Variants in CSMD1 observed in about 807,000 individuals in gnomAD.
The protein encoded by CSMD1 is CUB and Sushi multiple domains 1.
Under a neutral mutation model 417.5 loss-of-function variants are expected in CSMD1, and 213 were observed. The observed-to-expected ratio is 0.51, with a 90% CI of 0.46 to 0.57. CSMD1 has a LOEUF of 0.57. Among genes scored for constraint, CSMD1 ranks in the 20% least tolerant of loss-of-function variants. CSMD1 has a pLI of 0.00. For synonymous variants in CSMD1, 2,862 were observed against 1,736.8 expected (o/e 1.65, Z -16.11); for missense variants, 6,923 against 4,529.7 (o/e 1.53, Z -15.17).
At chr8:4,623,567 G>A (rs1302796784) in intron 2 of CSMD1, among the ~76,000 whole-genome samples, 2 of 151,944 alleles carry the variant, frequency 1.3e-5, no homozygotes, top group East Asian at 1.9e-4. Flanking sequence ...CTAAAAACAG[G>A]GGGGTGAGGG....
chr8:3,291,328 T>C (rs1194180781), intron 25 of CSMD1, among the ~76,000 whole-genome samples: 1 of 146,834 alleles, frequency 6.8e-6, no homozygotes, highest in Non-Finnish European at 1.5e-5. Flanking sequence ...TTCAGGGTGA[T>C]GCTGGCCCCA....
intron 8 of CSMD1, among the ~76,000 whole-genome samples, chr8:3,599,135 GTGTGTGTGTGTGTGTCTGTGTGTGTGTC>G (rs1179537165): frequency 1.5e-5 from 2 of 134,778 alleles, no homozygotes; most frequent in Admixed American, 1.4e-4. Flanking sequence ...CTGTGTGTGT[GTGTGTGTGTGTGTGTCTGTGTGTGTGTC>G]TGTGTGTGTG....
intron 5 of CSMD1, among the ~76,000 whole-genome samples, chr8:3,991,364 A>T (rs1420463151): frequency 6.6e-6 from 1 of 152,182 alleles, no homozygotes; most frequent in African/African-American, 2.4e-5. Flanking sequence ...CACCTACCTA[A>T]GACTTCAGTG....
At chr8:4,459,276 G>C (rs1452679837) in intron 2 of CSMD1, among the ~76,000 whole-genome samples, 1 of 152,186 alleles carries the variant, frequency 6.6e-6, no homozygotes, top group Admixed American at 6.5e-5. Flanking sequence ...TGCAGTTCCT[G>C]TCACTTGTGC....
chr8:3,791,421 G>A (rs190493155), intron 5 of CSMD1, among the ~76,000 whole-genome samples: 8 of 152,328 alleles, frequency 5.3e-5, no homozygotes, highest in Admixed American at 3.3e-4. Context: ...AAATTCCTCT[G>A]TATTTCTCAC....
chr8:3,618,055 G>C (rs962015478), intron 7 of CSMD1, among the ~76,000 whole-genome samples: 1 of 152,082 alleles, frequency 6.6e-6, no homozygotes, highest in Non-Finnish European at 1.5e-5. Flanking sequence ...AGGTGGGAGT[G>C]CAGTGGCACA....
At chr8:3,285,190 A>C (rs1207971986) in intron 25 of CSMD1, among the ~76,000 whole-genome samples, 1 of 152,190 alleles carries the variant, frequency 6.6e-6, no homozygotes, top group African/African-American at 2.4e-5. Context: ...GACGACAAAC[A>C]AAAAAACTAC....
intron 5 of CSMD1, among the ~76,000 whole-genome samples, chr8:3,922,718 T>C (rs1809362245): frequency 6.6e-6 from 1 of 152,184 alleles, no homozygotes. Flanking sequence ...TATCTACATC[T>C]TTTTTATATT....
chr8:4,494,871 G>A (rs1801899536), intron 2 of CSMD1, among the ~76,000 whole-genome samples: 1 of 151,756 alleles, frequency 6.6e-6, no homozygotes, highest in African/African-American at 2.4e-5. Flanking sequence ...CCTGAAACAT[G>A]GAAACAAAAG....
chr8:4,745,688 T>C (rs942443626), intron 1 of CSMD1, among the ~76,000 whole-genome samples: 5 of 152,174 alleles, frequency 3.3e-5, no homozygotes, highest in Admixed American at 2.6e-4. Flanking sequence ...GCTTTCACAA[T>C]TCTTAGCTAC....
rs116031290 is a variant in CSMD1, at chr8:4,006,670, T to G, written c.611-8560A>C. ...ACAGCACTTGTTTATGTCCTTTTCC[T>G]TTTAATCTGCACATGCAGATGGCAA... is the stretch of plus-strand genomic sequence containing the variant. On this transcript the variant is annotated intron_variant, in intron 4 of 69. Coordinates refer to ENST00000635120, the MANE Select transcript of CSMD1 (RefSeq NM_033225.6). 3.5e-3 allele frequency among the ~76,000 whole-genome samples: 536 copies of G among 152,354 alleles called. 5 individuals are homozygous for G. Among genetic ancestry groups the G allele is most frequent in the African/African-American group, 0.011 (447 of 41,582 alleles).
At chr8:4,009,289 C>G (rs1197408035) in intron 4 of CSMD1, among the ~76,000 whole-genome samples, 3 of 152,178 alleles carry the variant, frequency 2.0e-5, no homozygotes, top group African/African-American at 7.2e-5. Flanking sequence ...TTTCTCAACT[C>G]TAGAATTTTT....
chr8:3,305,326 A>C (rs1230473428), intron 25 of CSMD1, among the ~76,000 whole-genome samples: 1 of 152,230 alleles, frequency 6.6e-6, no homozygotes, highest in East Asian at 1.9e-4. Context: ...TAATTTTAAA[A>C]TGAGTTATTA....
chr8:4,668,983 C>G (rs1217784199), intron 1 of CSMD1, among the ~76,000 whole-genome samples: 1 of 152,024 alleles, frequency 6.6e-6, no homozygotes, highest in Non-Finnish European at 1.5e-5. Flanking sequence ...AATTTGGTTT[C>G]TTAGGTGTCT....
At chr8:4,410,581 A>T (rs777915567) in intron 3 of CSMD1, among the ~76,000 whole-genome samples, 1 of 152,184 alleles carries the variant, frequency 6.6e-6, no homozygotes, top group Non-Finnish European at 1.5e-5. Context: ...TTAAATAATG[A>T]CCAATTTTTG....
chr8:3,214,311 A>C (rs572986772), intron 30 of CSMD1, among the ~76,000 whole-genome samples, 186 bp downstream of exon 30: 3 of 152,212 alleles, frequency 2.0e-5, no homozygotes, highest in Non-Finnish European at 4.4e-5. Context: ...ACCTATGAGA[A>C]TGGCTAACAC....
chr8:4,649,117 T>C (rs1803721228), intron 1 of CSMD1, among the ~76,000 whole-genome samples: 1 of 152,192 alleles, frequency 6.6e-6, no homozygotes, highest in African/African-American at 2.4e-5. Flanking sequence ...CCTGTCATTA[T>C]ATGATCTAAC....
intron 2 of CSMD1, among the ~76,000 whole-genome samples, chr8:4,583,236 G>T (rs995645707): frequency 1.3e-5 from 2 of 152,222 alleles, no homozygotes; most frequent in African/African-American, 2.4e-5. Context: ...GGGACTGGCA[G>T]GCAGCTCCAC....
rs76139350 is a variant in CSMD1, at chr8:4,426,368, T to A, written c.303-6303A>T. On this transcript the variant is annotated intron_variant, in intron 2 of 69. Transcript: ENST00000635120. The stretch of plus-strand genomic sequence containing the variant: ...TATAATTTTGAAAATCCTTTTTATA[T>A]ATTTTGTATGTAGTATATATAGTAA... Among the ~76,000 whole-genome samples, 1,053 of 150,224 alleles carry A rather than the reference T, an allele frequency of 7.0e-3. 10 individuals are homozygous for A. The highest frequency in any genetic ancestry group is 0.025 in the African/African-American group (1,030 of 41,242).
Sources: allele counts gnomAD v4.1 joint callset (sites outside exome capture counted in the v4.1 genomes callset), GRCh38; gene constraint gnomAD v4.1.1; transcripts MANE v1.5; gene names NCBI Gene and HGNC (gene_info 2026-07-23, HGNC 2026-07-21).